The following TCEA3 variants were observed in gnomAD, a reference collection of about 807,000 sequenced individuals.
TCEA3 encodes the protein transcription elongation factor A protein 3.
Under a neutral mutation model 44.0 loss-of-function variants are expected in TCEA3, and 36 were observed. That is an observed-to-expected ratio of 0.82 (90% confidence interval 0.63 to 1.08). The LOEUF (loss-of-function observed/expected upper bound fraction) is 1.08. TCEA3 is among the 50% of genes least tolerant of loss of function. The pLI, the probability that TCEA3 is intolerant of heterozygous loss-of-function variation, is 0.00. For synonymous variants in TCEA3, 162 were observed against 159.7 expected (o/e 1.01, Z -0.11); for missense variants, 392 against 441.2 (o/e 0.89, Z 1.00).
At chr1:23,422,291 T>C (rs11588134) in intron 1 of TCEA3, among the ~76,000 whole-genome samples, 56,724 of 152,088 alleles carry the variant, frequency 0.37, 12,742 homozygotes, top group East Asian at 0.58. Flanking sequence ...TTGGTGTCAG[T>C]AGCCGTGTCT....
chr1:23,404,296 C>T (rs1639480928), intron 5 of TCEA3: 1 of 665,120 alleles, frequency 1.5e-6, no homozygotes, highest in South Asian at 1.6e-5. Context: ...ATCGTGCTCA[C>T]TCCCACTTCC....
intron 8 of TCEA3, 78 bp from the exon 9 acceptor site, chr1:23,387,497 G>A: frequency 1.4e-6 from 2 of 1,457,062 alleles, no homozygotes; most frequent in Non-Finnish European, 1.8e-6. Context: ...TAGAAAGCCT[G>A]AACAGAAAAG....
intron 8 of TCEA3, among the ~76,000 whole-genome samples, chr1:23,388,429 C>A (rs1353972587): frequency 6.6e-6 from 1 of 152,058 alleles, no homozygotes; most frequent in African/African-American, 2.4e-5. Flanking sequence ...ATCTCCTGAC[C>A]TTGTGATCCA....
chr1:23,395,636 G>A (rs980575336), intron 7 of TCEA3, among the ~76,000 whole-genome samples: 2 of 152,068 alleles, frequency 1.3e-5, no homozygotes, highest in South Asian at 2.1e-4. Flanking sequence ...GACCAGCCTG[G>A]CCAACATGGT....
intron 10 of TCEA3, among the ~76,000 whole-genome samples, chr1:23,382,177 G>A (rs1373309346): frequency 6.6e-6 from 1 of 151,900 alleles, no homozygotes; most frequent in Non-Finnish European, 1.5e-5. Flanking sequence ...CTCCCGAGTA[G>A]CTGGGATTAC....
intron 7 of TCEA3, among the ~76,000 whole-genome samples, chr1:23,395,249 T>C (rs1366967375): frequency 1.3e-5 from 2 of 152,238 alleles, no homozygotes; most frequent in Non-Finnish European, 2.9e-5. Context: ...TGTATTGATA[T>C]GCGGAGCCAG....
At chr1:23,415,168 G>A (rs1303446812) in intron 4 of TCEA3, among the ~76,000 whole-genome samples, 4 of 151,760 alleles carry the variant, frequency 2.6e-5, no homozygotes, top group South Asian at 2.1e-4. Context: ...GACTACAGGC[G>A]TGCACCACTA....
At chr1:23,400,863 A>G (rs1639378073) in intron 5 of TCEA3, among the ~76,000 whole-genome samples, 1 of 152,200 alleles carries the variant, frequency 6.6e-6, no homozygotes, top group Non-Finnish European at 1.5e-5. Flanking sequence ...TACAGTGCAC[A>G]GCCTGGGCAG....
At position 23,397,975 on chromosome 1, in the gene TCEA3, A is replaced by G. The variant is rs758514654; in HGVS notation, c.444-20T>C. ...TTTGATCTGAGGATGACAATAAGTAACAGACATTTGACATTAAGAGAGTAA... is the reference window on the plus strand; with the variant it reads ...TTTGATCTGAGGATGACAATAAGTAGCAGACATTTGACATTAAGAGAGTAA... On this transcript the variant is annotated intron_variant, in intron 5 of 10. Transcript: ENST00000450454. 3 of 1,612,562 alleles carry G rather than the reference A, an allele frequency of 1.9e-6. No individual in the cohort carries two copies. Among genetic ancestry groups the G allele is most frequent in the South Asian group, 1.1e-5 (1 of 90,786 alleles).
intron 10 of TCEA3, chr1:23,383,728 C>A: frequency 1.0e-6 from 1 of 985,538 alleles, no homozygotes; most frequent in Non-Finnish European, 1.2e-6. Context: ...GGCACGTGAC[C>A]ACACTCTGTT....
intron 4 of TCEA3, 22 bp downstream of exon 4, chr1:23,417,227 T>C: frequency 2.5e-6 from 4 of 1,610,868 alleles, no homozygotes; most frequent in Non-Finnish European, 3.4e-6. Context: ...AGCTCCCTTC[T>C]CTCCATCCCA....
chr1:23,411,061 T>A (rs1347719822), intron 4 of TCEA3: 1 of 200,494 alleles, frequency 5.0e-6, no homozygotes, highest in Middle Eastern at 6.2e-4. Flanking sequence ...AAATGGGTGA[T>A]GTCTGTCAAG....
chr1:23,387,996 A>G (rs981953398), intron 8 of TCEA3, among the ~76,000 whole-genome samples: 1 of 152,018 alleles, frequency 6.6e-6, no homozygotes, highest in Non-Finnish European at 1.5e-5. Context: ...GAGTTTCTAC[A>G]GAAGAGTCTC....
At chr1:23,388,175 GAATCTCAA>G (rs1558022881) in intron 8 of TCEA3, among the ~76,000 whole-genome samples, 1 of 151,600 alleles carries the variant, frequency 6.6e-6, no homozygotes, top group Non-Finnish European at 1.5e-5. Flanking sequence ...TGGCTGACGC[GAATCTCAA>G]AATGAGGATT....
At chr1:23,405,652 G>A (rs1044220520) in intron 5 of TCEA3, among the ~76,000 whole-genome samples, 3 of 151,956 alleles carry the variant, frequency 2.0e-5, no homozygotes, top group Non-Finnish European at 1.5e-5. Context: ...CCTACCCTCA[G>A]TACTGAACCA....
chr1:23,410,406 TA>T (rs981734258), intron 4 of TCEA3, among the ~76,000 whole-genome samples: 121 of 151,908 alleles, frequency 8.0e-4, no homozygotes, highest in Non-Finnish European at 1.7e-3. Context: ...TTCAGGAACA[TA>T]AAAAAATGCT....
intron 9 of TCEA3, among the ~76,000 whole-genome samples, chr1:23,386,525 A>C (rs1477497678): frequency 6.6e-6 from 1 of 151,856 alleles, no homozygotes. Context: ...GGCGTGAGCC[A>C]CTGAGCTGGC....
chr1:23,383,798 C>T (rs1284973360), intron 10 of TCEA3: 4 of 985,832 alleles, frequency 4.1e-6, no homozygotes, highest in South Asian at 4.7e-5. Context: ...GGCTCCCATG[C>T]GTGAAAACAA....
intron 7 of TCEA3, among the ~76,000 whole-genome samples, chr1:23,396,953 C>T (rs1356479958): frequency 7.1e-6 from 1 of 139,906 alleles, no homozygotes; most frequent in African/African-American, 2.7e-5. Flanking sequence ...TGCAGTGAGG[C>T]GAGATTGCGC....
Sources: allele counts gnomAD v4.1 joint callset (sites outside exome capture counted in the v4.1 genomes callset), GRCh38; gene constraint gnomAD v4.1.1; transcripts MANE v1.5; gene names NCBI Gene and HGNC (gene_info 2026-07-23, HGNC 2026-07-21).